KRT78: variants seen among roughly 807,000 people sequenced by gnomAD.
The protein encoded by KRT78 is keratin, type II cytoskeletal 78.
KRT78 carries 55 observed loss-of-function variants against 51.4 expected under a neutral mutation model. The observed-to-expected ratio is 1.07, with a 90% CI of 0.86 to 1.34. KRT78 has a LOEUF of 1.34. Ranked by LOEUF, KRT78 falls within the 40% of genes most tolerant of loss-of-function variation. The probability of loss-of-function intolerance (pLI) is 0.00; values close to 1 mark genes in which losing one functional copy is unlikely to be tolerated. For missense variants in KRT78, 652 were observed against 649.4 expected (o/e 1.00, Z -0.04); for synonymous variants, 291 against 264.3 (o/e 1.10, Z -0.98).
intron 1 of KRT78, 149 bp from the exon 2 acceptor site, chr12:52,848,270 A>C: frequency 6.5e-7 from 1 of 1,539,610 alleles, no homozygotes; most frequent in Non-Finnish European, 8.7e-7. Flanking sequence ...ATGACCTTCC[A>C]TGACACTCTG....
At chr12:52,843,778 G>A (rs1940574199) in intron 6 of KRT78, among the ~76,000 whole-genome samples, 1 of 151,962 alleles carries the variant, frequency 6.6e-6, no homozygotes. Context: ...TCCCCAAGGG[G>A]CTGAAAGCAA....
chr12:52,847,755 G>C, intron 2 of KRT78, 152 bp downstream of exon 2: 1 of 645,806 alleles, frequency 1.5e-6, no homozygotes, highest in East Asian at 2.7e-5. Context: ...GGGCACCTGA[G>C]AGCCTGGGGA....
In KRT78 at chr12:52,839,163, T is replaced by C; in HGVS notation, c.1513A>G (p.Ile505Val). Residue 505 changes from isoleucine to valine, a missense_variant, in exon 9 of 9, where the codon ATC becomes GTC. Coordinates refer to ENST00000304620, the MANE Select transcript of KRT78 (RefSeq NM_173352.4). ...GSSAGSSCHTILKKTVESSLK... is the reference protein window; with the variant it reads ...GSSAGSSCHTVLKKTVESSLK... Reference sequence around the variant, plus strand: ...CTCGACTCAACTGTCTTCTTCAGGATGGTGTGGCAGCTGGAGCCAGCGCTG... The same window carrying C: ...CTCGACTCAACTGTCTTCTTCAGGACGGTGTGGCAGCTGGAGCCAGCGCTG... 2 of 1,613,398 alleles carry C rather than the reference T, an allele frequency of 1.2e-6. No individual in the cohort carries two copies. The highest frequency in any genetic ancestry group is 8.5e-7 in the Non-Finnish European group (1 of 1,179,878).
chr12:52,843,934 A>G (rs770341595), intron 6 of KRT78, among the ~76,000 whole-genome samples, 159 bp downstream of exon 6: 3 of 152,144 alleles, frequency 2.0e-5, no homozygotes, highest in African/African-American at 7.2e-5. Flanking sequence ...TGGGGCTTGA[A>G]GTTCTCTTCT....
In KRT78 at chr12:52,848,792, A is replaced by AC. The variant is rs751653006; in HGVS notation, c.138dup (p.Cys47ValfsTer15). On this transcript the variant is annotated frameshift_variant, in exon 1 of 9. Coordinates refer to ENST00000304620, the MANE Select transcript of KRT78 (RefSeq NM_173352.4). LOFTEE classifies it high-confidence loss of function. The stretch of plus-strand genomic sequence containing the variant: ...GTACTCCCACGAGAGCCTTCCAGGC[A>AC]CCCCCCAAAGGAATTAAGGCTCCTG... 1.1e-5 allele frequency: 17 copies of AC among 1,499,904 alleles called. No homozygotes were observed. In the African/African-American group the frequency reaches 1.5e-4, roughly 13 times the overall value. 92.9% of individuals were successfully genotyped at this position (1,499,904 alleles called of 1,614,324 possible).
At chr12:52,847,254 C>G (rs567327983) in intron 2 of KRT78, among the ~76,000 whole-genome samples, 162 of 152,310 alleles carry the variant, frequency 1.1e-3, no homozygotes, top group African/African-American at 3.3e-3. Flanking sequence ...TCCCATTATC[C>G]CAATAGCCCT....
intron 4 of KRT78, among the ~76,000 whole-genome samples, chr12:52,845,025 T>C (rs953424877): frequency 6.6e-6 from 1 of 151,654 alleles, no homozygotes; most frequent in Non-Finnish European, 1.5e-5. Context: ...CTTCTTCTTT[T>C]TTTTTTTTAA....
intron 1 of KRT78, 84 bp downstream of exon 1, chr12:52,848,463 C>G: frequency 6.4e-7 from 1 of 1,565,424 alleles, no homozygotes; most frequent in Non-Finnish European, 8.6e-7. Context: ...TAGAAGGAGG[C>G]CAAACTTCCC....
intron 6 of KRT78, among the ~76,000 whole-genome samples, chr12:52,843,006 G>GAAGT (rs1940545040): frequency 1.0e-5 from 1 of 96,460 alleles, no homozygotes; most frequent in African/African-American, 4.3e-5. Flanking sequence ...AGGAAGGAAG[G>GAAGT]AAGGAGGGAG....
At chr12:52,846,157 C>T in intron 4 of KRT78, 40 bp downstream of exon 4, 1 of 1,442,154 alleles carries the variant, frequency 6.9e-7, no homozygotes. Context: ...CCACCCAGTC[C>T]TCTCTCTTGG....
chr12:52,848,504 A>C, intron 1 of KRT78, 43 bp downstream of exon 1: 1 of 1,603,036 alleles, frequency 6.2e-7, no homozygotes, highest in East Asian at 2.2e-5. Flanking sequence ...CAGCTCCTCC[A>C]AGGGAGGCAC....
chr12:52,846,028 G>A (rs527801365), intron 4 of KRT78, 169 bp downstream of exon 4: 11 of 599,484 alleles, frequency 1.8e-5, no homozygotes, highest in African/African-American at 3.7e-5. Flanking sequence ...CCAGGACCTA[G>A]CAATTCACAT....
Position 52,839,747 on chromosome 12 carries a change from C to T in KRT78, c.1268+17G>A, listed in dbSNP as rs1325807825. ...TCCCCAAACTCATATTCCCAGGTCC[C>T]TCCAAGCCTCCCTCACCTGCACTCC... On this transcript the variant is annotated intron_variant, in intron 7 of 8. Transcript: ENST00000304620. 1.2e-6 allele frequency: 2 copies of T among 1,611,186 alleles called. No individual in the cohort carries two copies. The highest frequency in any genetic ancestry group is 1.1e-5 in the South Asian group (1 of 91,038).
intron 1 of KRT78, 101 bp downstream of exon 1, chr12:52,848,446 A>G (rs1158325860): frequency 1.3e-6 from 2 of 1,531,110 alleles, no homozygotes; most frequent in Non-Finnish European, 8.8e-7. Context: ...AGTTATTAGA[A>G]AAGTGGTAGA....
Position 52,844,633 on chromosome 12 carries a change from T to G in KRT78, c.847A>C (p.Thr283Pro), listed in dbSNP as rs1302220805. 1.2e-6 allele frequency: 2 copies of G among 1,614,116 alleles called. No individual in the cohort carries two copies. Residue 283 changes from threonine to proline, a missense_variant, in exon 5 of 9, where the codon ACT (threonine) becomes CCT (proline). By Grantham distance (38) the Thr-to-Pro change is conservative. Coordinates refer to ENST00000304620, the MANE Select transcript of KRT78 (RefSeq NM_173352.4). ...NRYLDFSSII[T>P]EVRARYEEIA... ...TCCTCGTACCGGGCGCGGACCTCAGTGATGATGCTGCTGAAGTCCAGGTAG... is the reference window on the plus strand; with the variant it reads ...TCCTCGTACCGGGCGCGGACCTCAGGGATGATGCTGCTGAAGTCCAGGTAG...
At chr12:52,847,789 G>T in intron 2 of KRT78, 118 bp downstream of exon 2, 4 of 817,404 alleles carry the variant, frequency 4.9e-6, no homozygotes, top group Non-Finnish European at 8.0e-6. Flanking sequence ...GGGGTAGAGG[G>T]GAGGCCAGTC....
rs756353589 is a variant in KRT78 at position 52,846,166 on chromosome 12, G to A, written c.756+31C>T. 3 of 1,510,064 alleles carry A rather than the reference G, an allele frequency of 2.0e-6. No individual in the cohort carries two copies. The South Asian group carries it at 3.4e-5, about 17-fold the overall frequency. 93.5% of individuals were successfully genotyped at this position (1,510,064 alleles called of 1,614,324 possible). On this transcript the variant is annotated intron_variant, in intron 4 of 8. Transcript: ENST00000304620. ...GCCTGCCCACCCAGTCCTCTCTCTT[G>A]GCTGCAGCCTGCCCTTTGGTTGAGC...
At chr12:52,848,325 C>A in intron 1 of KRT78, 1 of 1,502,950 alleles carries the variant, frequency 6.7e-7, no homozygotes, top group Non-Finnish European at 8.9e-7. Flanking sequence ...AGGGCCTTCC[C>A]CCCGCTGGCT....
intron 3 of KRT78, 121 bp downstream of exon 3, chr12:52,846,643 C>A: frequency 1.1e-6 from 1 of 915,160 alleles, no homozygotes; most frequent in South Asian, 1.4e-5. Context: ...GGGACCCCTG[C>A]AGGTAGAGTG....
Sources: allele counts gnomAD v4.1 joint callset (sites outside exome capture counted in the v4.1 genomes callset), GRCh38; gene constraint gnomAD v4.1.1; transcripts MANE v1.5; gene names NCBI Gene and HGNC (gene_info 2026-07-23, HGNC 2026-07-21).